Variants in ZNF561 observed in about 807,000 individuals in gnomAD.
ZNF561 encodes zinc finger protein 561.
In ZNF561, 16 loss-of-function variants were observed where a neutral mutation model predicts 16.7. The observed-to-expected ratio is 0.96, with a 90% CI of 0.65 to 1.45. ZNF561 has a LOEUF of 1.45. Among genes scored for constraint, ZNF561 ranks in the 40% most tolerant of loss-of-function variants. The pLI is 0.00. For synonymous variants in ZNF561, 190 were observed against 192.1 expected, an observed-to-expected ratio of 0.99 and a Z score of 0.09; for missense variants, 580 against 578.0, an observed-to-expected ratio of 1.00 and a Z score of -0.04.
chr19:9,619,859 ATATT>A (rs200322040), intron 1 of ZNF561, among the ~76,000 whole-genome samples: 6 of 144,022 alleles, frequency 4.2e-5, no homozygotes, highest in African/African-American at 1.5e-4. Flanking sequence ...ATATCTATCT[ATATT>A]TATCTATCTA....
intron 2 of ZNF561, among the ~76,000 whole-genome samples, chr19:9,618,539 A>T (rs1323076529): frequency 6.6e-6 from 1 of 151,714 alleles, no homozygotes; most frequent in Non-Finnish European, 1.5e-5. Flanking sequence ...ATCCTAGCTA[A>T]CACGGTGAAA....
At position 9,608,209 on chromosome 19, in the gene ZNF561, A is replaced by G. The variant is rs1389103816; in HGVS notation, c.*1991T>C. The G allele has an allele frequency of 3.3e-5, 5 of 149,298 alleles. No homozygotes were observed. The highest frequency in any genetic ancestry group is 1.2e-4 in the African/African-American group (5 of 40,694). 9.2% of individuals were successfully genotyped at this position (149,298 alleles called of 1,614,324 possible). On this transcript the variant is annotated 3_prime_UTR_variant, in exon 6 of 6. Coordinates refer to ENST00000302851, the MANE Select transcript of ZNF561 (RefSeq NM_152289.3). ...TTTAGAAGTATCGTGAAATGATGTC[A>G]AGAGATGGGTAGGGGGAGGGAGGGG...
chr19:9,611,765 T>C (rs1041568022), intron 5 of ZNF561, among the ~76,000 whole-genome samples: 4 of 151,962 alleles, frequency 2.6e-5, no homozygotes, highest in Admixed American at 2.6e-4. Context: ...TTTTCAGAGT[T>C]GGGGTTTTGC....
intron 3 of ZNF561, chr19:9,617,518 CTGTT>C (rs574579216): frequency 2.9e-4 from 93 of 316,984 alleles, no homozygotes; most frequent in Admixed American, 5.8e-4. Flanking sequence ...TCTATCTAAT[CTGTT>C]TATTTATTTA....
chr19:9,611,305 TCA>T lies in ZNF561; in HGVS notation c.354_355del (p.Cys118Ter). On this transcript the variant is annotated stop_gained and frameshift_variant, in exon 6 of 6. Coordinates refer to ENST00000302851, the MANE Select transcript of ZNF561 (RefSeq NM_152289.3). LOFTEE classifies it low-confidence loss of function (END_TRUNC). ...GAAGACCTCTCCACAATTCTTACAG[TCA>T]CAGAGTTTCCATCCACTGTAGCCTC... 3.7e-6 allele frequency: 6 copies of T among 1,612,848 alleles called. No homozygotes were observed. Among genetic ancestry groups the T allele is most frequent in the South Asian group, 1.1e-5 (1 of 91,066 alleles).
chr19:9,618,280 C>T, intron 2 of ZNF561, 101 bp from the exon 3 acceptor site: 2 of 1,133,048 alleles, frequency 1.8e-6, no homozygotes, highest in South Asian at 1.4e-5. Context: ...TTCCGATATG[C>T]TCCTACACAC....
chr19:9,609,776 G>A lies in ZNF561; in HGVS notation c.*424C>T, dbSNP rs376793218. 202 of 158,510 alleles carry A rather than the reference G, an allele frequency of 1.3e-3. 1 individual carries two copies. Among genetic ancestry groups the A allele is most frequent in the African/African-American group, 4.6e-3 (193 of 41,640 alleles). The allele number at this position is 158,510 out of a possible 1,614,324, so 9.8% of individuals were successfully genotyped here. A position where few individuals can be genotyped will look rare whatever the true frequency, so the allele number is the denominator to read the frequency against. On this transcript the variant is annotated 3_prime_UTR_variant, in exon 6 of 6. Coordinates refer to ENST00000302851, the MANE Select transcript of ZNF561 (RefSeq NM_152289.3). ...ATTCCTGACACGCTCTGCAGGATCC[G>A]TGGGATCAGAAGAGACCCTTGGAGG... is the stretch of plus-strand genomic sequence containing the variant.
At chr19:9,616,870 AG>A in intron 4 of ZNF561, 174 bp downstream of exon 4, 1 of 748,496 alleles carries the variant, frequency 1.3e-6, no homozygotes, top group Non-Finnish European at 2.0e-6. Context: ...CTGGGATTAC[AG>A]GCATGAGCCA....
chr19:9,618,008 A>G (rs1216356827), intron 3 of ZNF561, 83 bp downstream of exon 3: 3 of 1,314,596 alleles, frequency 2.3e-6, no homozygotes, highest in African/African-American at 3.0e-5. Context: ...GAAAACTCTG[A>G]AGATGAGTCT....
chr19:9,610,849 G>T lies in ZNF561; in HGVS notation c.812C>A (p.Pro271His), dbSNP rs776030016. The T allele has an allele frequency of 2.4e-4, 394 of 1,613,936 alleles. No individual in the cohort carries two copies. The highest frequency in any genetic ancestry group is 3.3e-4 in the Non-Finnish European group (388 of 1,180,020). ...SFTNFSQLYAPVKTHKGEKSF... is the reference protein window; with the variant it reads ...SFTNFSQLYAHVKTHKGEKSF... ...CTTCTCTCCTTTATGAGTTTTCACA[G>T]GTGCATAAAGTTGAGAAAAATTAGT... is the stretch of plus-strand genomic sequence containing the variant. Residue 271 changes from proline to histidine, a missense_variant, in exon 6 of 6, where the codon CCT becomes CAT. By Grantham distance (77) the Pro-to-His change is moderately conservative (BLOSUM62 -2). Coordinates refer to ENST00000302851, the MANE Select transcript of ZNF561 (RefSeq NM_152289.3).
In ZNF561 at chr19:9,611,017, T is replaced by C; in HGVS notation, c.644A>G (p.His215Arg). Residue 215 changes from histidine (H) to arginine (R), a missense_variant, in exon 6 of 6, where the codon CAT (histidine) becomes CGT (arginine). Physicochemically the swap from His to Arg is conservative, Grantham distance 29 (BLOSUM62 0). Coordinates refer to ENST00000302851, the MANE Select transcript of ZNF561 (RefSeq NM_152289.3). ...TTTCTCATCAGTGTGGATTCCCATA[T>C]GATTATCAAGGCTTGCAAAATACTT... ...GFKYFASLDNHMGIHTDEKLC... is the reference protein window; with the variant it reads ...GFKYFASLDNRMGIHTDEKLC... 6.2e-7 allele frequency: 1 copy of C among 1,614,194 alleles called. No homozygotes were observed. The highest frequency in any genetic ancestry group is 2.2e-5 in the East Asian group (1 of 44,872).
At chr19:9,616,591 T>A (rs2074558062) in intron 4 of ZNF561, among the ~76,000 whole-genome samples, 1 of 151,216 alleles carries the variant, frequency 6.6e-6, no homozygotes, top group African/African-American at 2.4e-5. Flanking sequence ...TAGTCTTCAT[T>A]TTTAGGATTT....
Position 9,619,420 on chromosome 19 carries a change from A to G in ZNF561, c.25+12T>C, listed in dbSNP as rs1483861648. ...GCAGAATCTCTGAAAAAGAGCATCA[A>G]CAAAGACTTACCACGGGACAAATAA... On this transcript the variant is annotated intron_variant, in intron 2 of 5. Transcript: ENST00000302851. 1 of 1,613,226 alleles carries G rather than the reference A, an allele frequency of 6.2e-7. No homozygotes were observed. The highest frequency in any genetic ancestry group is 8.5e-7 in the Non-Finnish European group (1 of 1,179,414).
chr19:9,611,028 G>A lies in ZNF561; in HGVS notation c.633C>T (p.Ser211=), dbSNP rs139689744. Residue 211 remains serine, a synonymous_variant, in exon 6 of 6, where the codon AGC becomes AGT. Transcript: ENST00000302851. The part of the protein sequence containing the change: ...ECGKGFKYFA[S]LDNHMGIHTD... Reference sequence around the variant, plus strand: ...TGTGGATTCCCATATGATTATCAAGGCTTGCAAAATACTTAAAGCCTTTTC... The same window carrying A: ...TGTGGATTCCCATATGATTATCAAGACTTGCAAAATACTTAAAGCCTTTTC... 1.9e-6 allele frequency: 3 copies of A among 1,614,058 alleles called. No individual in the cohort carries two copies. The highest frequency in any genetic ancestry group is 2.7e-5 in the African/African-American group (2 of 75,028).
Position 9,610,904 on chromosome 19 carries a change from T to G in ZNF561, c.757A>C (p.Lys253Gln). ...GATTTCCCACATTTCTTAGTCTTTT[T>G]GGATTTCTTTCCTGTATGAACTGCT... ...CVAVHTGKKS[K>Q]KTKKCGKSFT... Residue 253 changes from lysine to glutamine, a missense_variant, in exon 6 of 6, where the codon AAA becomes CAA. Coordinates refer to ENST00000302851, the MANE Select transcript of ZNF561 (RefSeq NM_152289.3). The G allele has an allele frequency of 1.2e-6, 2 of 1,614,208 alleles. No homozygotes were observed. Among genetic ancestry groups the G allele is most frequent in the South Asian group, 2.2e-5 (2 of 91,088 alleles).
In ZNF561 at chr19:9,619,543, G is replaced by A. The variant is rs2074621384; in HGVS notation, c.-87C>T. 7.1e-7 allele frequency: 1 copy of A among 1,412,040 alleles called. No individual in the cohort carries two copies. Among genetic ancestry groups the A allele is most frequent in the African/African-American group, 1.4e-5 (1 of 70,522 alleles). The allele number at this position is 1,412,040 out of a possible 1,614,324, so 87.5% of individuals were successfully genotyped here. On this transcript the variant is annotated 5_prime_UTR_variant, in exon 2 of 6. Coordinates refer to ENST00000302851, the MANE Select transcript of ZNF561 (RefSeq NM_152289.3). ...CAGCTTATGAATCTAGGTGGATAGA[G>A]GCAATCTCCATTCCTCTTTGTACAG... is the stretch of plus-strand genomic sequence containing the variant.
intron 5 of ZNF561, 149 bp downstream of exon 5, chr19:9,613,872 C>G: frequency 1.1e-6 from 1 of 884,508 alleles, no homozygotes; most frequent in Non-Finnish European, 1.7e-6. Flanking sequence ...GTCTTGAACT[C>G]TTGGGCTCAA....
chr19:9,620,351 A>G (rs2074648378), intron 1 of ZNF561, among the ~76,000 whole-genome samples: 1 of 152,004 alleles, frequency 6.6e-6, no homozygotes, highest in South Asian at 2.1e-4. Context: ...CAGCCCCCCA[A>G]CTAGCTGGGA....
chr19:9,618,198 G>C lies in ZNF561; in HGVS notation c.26-19C>G. Reference sequence around the variant, plus strand: ...AAAAACCCTAGTGGAAAAGTAAGAAGGCATGAGAAGCCAGAGCTGCCCATC... The same window carrying C: ...AAAAACCCTAGTGGAAAAGTAAGAACGCATGAGAAGCCAGAGCTGCCCATC... On this transcript the variant is annotated intron_variant, in intron 2 of 5. Coordinates refer to ENST00000302851, the MANE Select transcript of ZNF561 (RefSeq NM_152289.3). 2 of 1,545,928 alleles carry C rather than the reference G, an allele frequency of 1.3e-6. No individual in the cohort carries two copies. The highest frequency in any genetic ancestry group is 1.7e-6 in the Non-Finnish European group (2 of 1,142,918).
Sources: allele counts gnomAD v4.1 joint callset (sites outside exome capture counted in the v4.1 genomes callset), GRCh38; gene constraint gnomAD v4.1.1; transcripts MANE v1.5; gene names NCBI Gene and HGNC (gene_info 2026-07-23, HGNC 2026-07-21).